The following IAH1 variants were observed in gnomAD, a reference collection of about 807,000 sequenced individuals.
IAH1 encodes the protein isoamyl acetate hydrolyzing esterase 1 (putative), also known as isoamyl acetate-hydrolyzing esterase 1 homolog.
Under a neutral mutation model 26.7 loss-of-function variants are expected in IAH1, and 24 were observed. That is an observed-to-expected ratio of 0.90 (90% CI 0.65 to 1.26). The LOEUF (loss-of-function observed/expected upper bound fraction) is 1.26. Among genes scored for constraint, IAH1 ranks in the 50% most tolerant of loss-of-function variants. The pLI, the probability that IAH1 is intolerant of heterozygous loss-of-function variation, is 0.00. For synonymous variants in IAH1, 140 were observed against 118.5 expected, an observed-to-expected ratio of 1.18 and a Z score of -1.18; for missense variants, 300 against 299.9, an observed-to-expected ratio of 1.00 and a Z score of 0.00.
At chr2:9,479,623 A>G (rs146283980) in intron 3 of IAH1, among the ~76,000 whole-genome samples, 1,679 of 152,228 alleles carry the variant, frequency 0.011, 23 homozygotes, top group Middle Eastern at 0.02. Flanking sequence ...CTTACAGCTG[A>G]CACGCATGAA....
the IAH1 span, chr2:9,510,048 C>T: frequency 7.4e-6 from 12 of 1,614,138 alleles, no homozygotes; most frequent in Admixed American, 1.7e-5. Context: ...GGTCCTCATT[C>T]GGGGCACATT....
At chr2:9,490,794 C>T (rs1358425122), downstream of IAH1, among the ~76,000 whole-genome samples, 1 of 152,186 alleles carries the variant, frequency 6.6e-6, no homozygotes, top group Non-Finnish European at 1.5e-5. Flanking sequence ...AAAGAGGATT[C>T]AAACCTCTCA....
chr2:9,476,384 C>CT (rs1337638775), intron 2 of IAH1, among the ~76,000 whole-genome samples: 2 of 152,202 alleles, frequency 1.3e-5, no homozygotes, highest in African/African-American at 2.4e-5. Flanking sequence ...GCTACTTTGC[C>CT]TTTTTTTGAA....
At position 9,483,751 on chromosome 2, in the gene IAH1, G is replaced by A. The variant is rs147996176; in HGVS notation, c.446-681G>A. Among the ~76,000 whole-genome samples, 24 of 152,266 alleles carry A rather than the reference G, an allele frequency of 1.6e-4. No individual in the cohort carries two copies. The East Asian group carries it at 4.4e-3, about 28-fold the overall frequency. On this transcript the variant is annotated intron_variant, in intron 4 of 5. Coordinates refer to ENST00000497473, the MANE Select transcript of IAH1 (RefSeq NM_001039613.3). The stretch of plus-strand genomic sequence containing the variant: ...CCCTGGTGCAGCTCCCTGGGAGGAT[G>A]AGGCAGCCTGCACTTGTGTTAGATA...
the IAH1 span, among the ~76,000 whole-genome samples, chr2:9,502,878 T>A: frequency 1.8e-3 from 43 of 23,664 alleles, no homozygotes; most frequent in African/African-American, 2.5e-3. Flanking sequence ...AAATTCTGTC[T>A]CAAAAAAAAA....
Position 9,484,502 on chromosome 2 carries a change from C to T in IAH1, c.516C>T (p.Asp172=). Residue 172 remains aspartate, a synonymous_variant, in exon 5 of 6, where the codon GAC becomes GAT. Coordinates refer to ENST00000497473, the MANE Select transcript of IAH1 (RefSeq NM_001039613.3). The stretch of plus-strand genomic sequence containing the variant: ...ATGCGTGTTTACAAGTGGCCCAAGA[C>T]TGTGGGACTGACGTACTTGACCTGT... ...YANACLQVAQ[D]CGTDVLDLWT... 1 of 1,614,180 alleles carries T rather than the reference C, an allele frequency of 6.2e-7. No individual in the cohort carries two copies. Among genetic ancestry groups the T allele is most frequent in the Non-Finnish European group, 8.5e-7 (1 of 1,180,028 alleles).
chr2:9,474,474 T>C (rs1682347568), upstream of IAH1: 1 of 645,120 alleles, frequency 1.6e-6, no homozygotes, highest in Non-Finnish European at 2.3e-6. The surrounding 1 kb of genome is among the most constrained non-coding windows in gnomAD (Gnocchi z 4.3). Context: ...ACTGCGTGGG[T>C]GCCCACGAGC....
At chr2:9,475,895 G>C (rs990810645) in intron 1 of IAH1, 92 bp from the exon 2 acceptor site, 1 of 1,057,790 alleles carries the variant, frequency 9.5e-7, no homozygotes, top group Admixed American at 1.9e-5. Flanking sequence ...AGAAGGGAGC[G>C]CCGAGAAAAC....
chr2:9,504,926 C>A, the IAH1 span, among the ~76,000 whole-genome samples: 2 of 151,950 alleles, frequency 1.3e-5, no homozygotes, highest in Non-Finnish European at 1.5e-5. Context: ...CTATGTTGCC[C>A]AGGCTGTTCT....
chr2:9,484,016 G>A (rs549400506), intron 4 of IAH1, among the ~76,000 whole-genome samples: 23 of 152,304 alleles, frequency 1.5e-4, no homozygotes, highest in Middle Eastern at 3.4e-3. Flanking sequence ...AGAAGCCAGC[G>A]GTGTCAGCGC....
At chr2:9,510,659 G>A in the IAH1 span, among the ~76,000 whole-genome samples, 2 of 139,830 alleles carry the variant, frequency 1.4e-5, no homozygotes, top group Non-Finnish European at 3.0e-5. Context: ...GCGAGACTTC[G>A]TCTCAAAAAA....
intron 4 of IAH1, among the ~76,000 whole-genome samples, chr2:9,482,530 T>C (rs1019464624): frequency 6.6e-6 from 1 of 152,196 alleles, no homozygotes; most frequent in Non-Finnish European, 1.5e-5. Context: ...AAGGCTGTTA[T>C]TGTCCCTACT....
At chr2:9,488,031 CAG>C (rs2124936035) in intron 5 of IAH1, 114 bp from the exon 6 acceptor site, 1 of 680,268 alleles carries the variant, frequency 1.5e-6, no homozygotes, top group Non-Finnish European at 2.4e-6. Flanking sequence ...TTTGTAGAGA[CAG>C]GGTCTCAAAC....
chr2:9,475,345 A>AGTCAGAG, intron 1 of IAH1: 1 of 495,990 alleles, frequency 2.0e-6, no homozygotes, highest in Non-Finnish European at 3.6e-6. Context: ...CATATGGGGC[A>AGTCAGAG]GTCAGAGCTG....
chr2:9,503,851 AAG>A, the IAH1 span, among the ~76,000 whole-genome samples: 1 of 151,394 alleles, frequency 6.6e-6, no homozygotes, highest in Non-Finnish European at 1.5e-5. Flanking sequence ...AAAAAAAAAA[AAG>A]AAATAAAAGA....
At chr2:9,506,207 CA>C in the IAH1 span, among the ~76,000 whole-genome samples, 4 of 152,196 alleles carry the variant, frequency 2.6e-5, no homozygotes, top group South Asian at 8.3e-4. Context: ...AGACAACAAT[CA>C]TGAAGCCCCT....
At chr2:9,474,467 G>A (rs906138742), upstream of IAH1, 20 of 601,742 alleles carry the variant, frequency 3.3e-5, no homozygotes, top group Middle Eastern at 4.9e-4. This position sits in a 1 kb window ranked among gnomAD's most constrained non-coding sequence, Gnocchi z 4.3. Flanking sequence ...CAAAGTGACT[G>A]CGTGGGTGCC....
At chr2:9,475,917 A>C in intron 1 of IAH1, 70 bp from the exon 2 acceptor site, 2 of 1,389,660 alleles carry the variant, frequency 1.4e-6, no homozygotes, top group Non-Finnish European at 2.0e-6. Context: ...GAAGTTGCCA[A>C]TCAGAACTGC....
chr2:9,496,027 C>G (rs887924644), intron 6 of IAH1, among the ~76,000 whole-genome samples: 1 of 152,054 alleles, frequency 6.6e-6, no homozygotes. Flanking sequence ...CATTATTGAA[C>G]TTGGAAGAGT....
Sources: gnomAD v4.1 joint callset for allele counts (sites outside exome capture counted in the v4.1 genomes callset) on GRCh38, gnomAD v4.1.1 for gene constraint, Gnocchi (gnomAD v3.1) non-coding constraint, MANE v1.5 for transcripts, NCBI Gene and HGNC (gene_info 2026-07-23, HGNC 2026-07-21) for gene names.